ROBO2: variants seen among roughly 807,000 people sequenced by gnomAD.
ROBO2 encodes the protein roundabout homolog 2.
Under a neutral mutation model 160.8 loss-of-function variants are expected in ROBO2, and 53 were observed. That is an observed-to-expected ratio of 0.33 (90% CI 0.26 to 0.41). ROBO2 has a LOEUF of 0.41. ROBO2 is among the 10% of genes least tolerant of loss of function. The pLI is 1.00. For missense variants in ROBO2, 1,577 were observed against 1,722.4 expected (o/e 0.92, Z 1.49); for synonymous variants, 664 against 611.7 (o/e 1.09, Z -1.26).
chr3:77,032,893 A>G (rs116828749), intron 2 of ROBO2, among the ~76,000 whole-genome samples: 72 of 152,298 alleles, frequency 4.7e-4, no homozygotes, highest in African/African-American at 1.6e-3. Flanking sequence ...CAATCACATG[A>G]TCCAACACAA....
chr3:76,342,561 C>A (rs965647450), intron 2 of ROBO2, among the ~76,000 whole-genome samples: 16 of 152,104 alleles, frequency 1.1e-4, no homozygotes, highest in African/African-American at 3.9e-4. Flanking sequence ...ATAAGCAAAT[C>A]TACCTTTTGC....
At chr3:76,146,938 T>G (rs1053158265) in intron 2 of ROBO2, among the ~76,000 whole-genome samples, 1 of 148,310 alleles carries the variant, frequency 6.7e-6, no homozygotes, top group Admixed American at 6.8e-5. Flanking sequence ...ATACCCTGTA[T>G]AGAGGGGAAC....
chr3:77,432,545 T>C (rs1466045623), intron 2 of ROBO2, among the ~76,000 whole-genome samples: 1 of 152,120 alleles, frequency 6.6e-6, no homozygotes, highest in African/African-American at 2.4e-5. Flanking sequence ...CAACTCTGGT[T>C]CACCCCCTGA....
chr3:77,002,362 T>C (rs1303872496), intron 2 of ROBO2, among the ~76,000 whole-genome samples: 2 of 151,886 alleles, frequency 1.3e-5, no homozygotes, highest in East Asian at 3.9e-4. Context: ...TAAGGATGAC[T>C]CTGGCTATAT....
chr3:76,798,268 G>GAA lies in ROBO2; in HGVS notation c.110-299744_110-299743dup, dbSNP rs2063897470. On this transcript the variant is annotated intron_variant, in intron 2 of 26. Transcript: ENST00000487694. Reference sequence around the variant, plus strand: ...AAGAAGAAAGAAAGAAGGAAAGAAAGAAAGAAAGAAAGAAAGAAAGAAAGA... The same window carrying GAA: ...AAGAAGAAAGAAAGAAGGAAAGAAAGAAAAAGAAAGAAAGAAAGAAAGAAAGA... Among the ~76,000 whole-genome samples the GAA allele has an allele frequency of 9.0e-5, 11 of 121,808 alleles. 1 individual carries two copies. The highest frequency in any genetic ancestry group is 3.3e-4 in the African/African-American group (10 of 30,564). The allele number at this position is 121,808 out of a possible 152,430, so 79.9% of individuals were successfully genotyped here. A position where few individuals can be genotyped will look rare whatever the true frequency, so the allele number is the denominator to read the frequency against.
At chr3:76,568,803 C>A (rs2084772413) in intron 2 of ROBO2, among the ~76,000 whole-genome samples, 1 of 152,084 alleles carries the variant, frequency 6.6e-6, no homozygotes, top group African/African-American at 2.4e-5. Context: ...TGATTTGTCA[C>A]CTCTTATCTA....
intron 2 of ROBO2, among the ~76,000 whole-genome samples, chr3:77,007,163 C>A (rs1238731217): frequency 6.6e-6 from 1 of 152,016 alleles, no homozygotes; most frequent in Non-Finnish European, 1.5e-5. Flanking sequence ...GGCATCAAAG[C>A]CTGGGATGAG....
At chr3:76,092,111 C>G (rs1016875426) in intron 2 of ROBO2, among the ~76,000 whole-genome samples, 3 of 152,108 alleles carry the variant, frequency 2.0e-5, no homozygotes, top group Non-Finnish European at 2.9e-5. Context: ...TCACCTCTGA[C>G]AAACGTACCT....
At chr3:77,507,245 G>GA (rs1327596483) in intron 5 of ROBO2, among the ~76,000 whole-genome samples, 1 of 152,062 alleles carries the variant, frequency 6.6e-6, no homozygotes, top group Non-Finnish European at 1.5e-5. Flanking sequence ...CTTGGCAAAA[G>GA]AAAAAAGAAG....
chr3:76,526,245 T>TC (rs1325759803), intron 2 of ROBO2, among the ~76,000 whole-genome samples: 4 of 152,000 alleles, frequency 2.6e-5, no homozygotes, highest in Non-Finnish European at 5.9e-5. Context: ...TCATAAGACT[T>TC]ACAGTTCTCA....
chr3:76,364,419 C>G (rs1455127200), intron 2 of ROBO2, among the ~76,000 whole-genome samples: 1 of 151,978 alleles, frequency 6.6e-6, no homozygotes, highest in African/African-American at 2.4e-5. Flanking sequence ...TTCATGAAAG[C>G]AAGCACTTCT....
At chr3:77,282,825 A>G (rs1028773100) in intron 2 of ROBO2, among the ~76,000 whole-genome samples, 4 of 152,060 alleles carry the variant, frequency 2.6e-5, no homozygotes, top group Admixed American at 1.3e-4. Context: ...GAAAATCTGC[A>G]ATGAGATTAT....
intron 2 of ROBO2, among the ~76,000 whole-genome samples, chr3:76,456,167 A>G (rs2077740218): frequency 6.6e-6 from 1 of 152,188 alleles, no homozygotes; most frequent in African/African-American, 2.4e-5. Flanking sequence ...CAGGTGTTCC[A>G]ATCTTGCCAA....
chr3:76,576,364 A>C (rs1045953051), intron 2 of ROBO2, among the ~76,000 whole-genome samples: 5 of 152,052 alleles, frequency 3.3e-5, no homozygotes, highest in African/African-American at 1.2e-4. Flanking sequence ...GGATTGATTG[A>C]TGGATGATAT....
intron 2 of ROBO2, among the ~76,000 whole-genome samples, chr3:76,237,291 G>A (rs547069370): frequency 6.6e-6 from 1 of 152,102 alleles, no homozygotes; most frequent in Admixed American, 6.5e-5. Context: ...GGAATCTGTG[G>A]AACCTATCAA....
chr3:76,971,905 G>T (rs770729282), intron 2 of ROBO2, among the ~76,000 whole-genome samples: 7 of 152,116 alleles, frequency 4.6e-5, no homozygotes, highest in Non-Finnish European at 8.8e-5. Context: ...AGGTGAGCAG[G>T]ATCTAACCTG....
intron 2 of ROBO2, among the ~76,000 whole-genome samples, chr3:75,940,891 C>T (rs1331024116): frequency 6.6e-6 from 1 of 151,994 alleles, no homozygotes; most frequent in Non-Finnish European, 1.5e-5. Flanking sequence ...AACTCATTTA[C>T]AGGATTCTGG....
At chr3:76,083,859 A>G (rs1010799249) in intron 2 of ROBO2, among the ~76,000 whole-genome samples, 14 of 152,110 alleles carry the variant, frequency 9.2e-5, no homozygotes, top group African/African-American at 2.4e-4. Flanking sequence ...CATTATGGCA[A>G]TCTCAACGAT....
chr3:76,838,805 A>G (rs2067957324), intron 2 of ROBO2, among the ~76,000 whole-genome samples: 1 of 152,144 alleles, frequency 6.6e-6, no homozygotes, highest in Non-Finnish European at 1.5e-5. Context: ...GGCTCTTCAA[A>G]CTCATTAATT....
Sources: gnomAD v4.1 joint callset for allele counts (sites outside exome capture counted in the v4.1 genomes callset) on GRCh38, gnomAD v4.1.1 for gene constraint, MANE v1.5 for transcripts, NCBI Gene and HGNC (gene_info 2026-07-23, HGNC 2026-07-21) for gene names.